LRP1B: variants seen among roughly 807,000 people sequenced by gnomAD.
The protein encoded by LRP1B is LDL receptor related protein 1B.
LRP1B carries 217 observed loss-of-function variants against 556.6 expected under a neutral mutation model. The observed-to-expected ratio is 0.39, with a 90% CI of 0.35 to 0.44. LRP1B has a LOEUF of 0.44. LRP1B is among the 20% of genes least tolerant of loss of function. LRP1B has a pLI of 1.00. For missense variants in LRP1B, 5,053 were observed against 5,620.8 expected (o/e 0.90, Z 3.23); for synonymous variants, 2,047 against 1,865.8 (o/e 1.10, Z -2.50).
At chr2:142,113,211 G>A (rs984488413) in intron 1 of LRP1B, among the ~76,000 whole-genome samples, 1 of 152,010 alleles carries the variant, frequency 6.6e-6, no homozygotes, top group African/African-American at 2.4e-5. Flanking sequence ...CCAGTGTACA[G>A]CTTTTCTCAG....
intron 11 of LRP1B, among the ~76,000 whole-genome samples, chr2:141,039,410 A>G (rs1033607385): frequency 1.3e-5 from 2 of 152,076 alleles, no homozygotes; most frequent in African/African-American, 4.8e-5. Flanking sequence ...AAGAAAAAAC[A>G]TGGTGTATAT....
Position 140,967,352 on chromosome 2 carries a change from G to C in LRP1B, c.2887+14808C>G, listed in dbSNP as rs569585311. On this transcript the variant is annotated intron_variant, in intron 18 of 90. Coordinates refer to ENST00000389484, the MANE Select transcript of LRP1B (RefSeq NM_018557.3). Reference sequence around the variant, plus strand: ...CGATTTGGCTCTCTGTCTGTTATTGGTGTATAAGAATGCTTGTGATTTTTG... The same window carrying C: ...CGATTTGGCTCTCTGTCTGTTATTGCTGTATAAGAATGCTTGTGATTTTTG... Among the ~76,000 whole-genome samples the C allele has an allele frequency of 8.1e-3, 1,195 of 147,132 alleles. 19 individuals carry two copies. Among genetic ancestry groups the C allele is most frequent in the Non-Finnish European group, 0.011 (738 of 66,522 alleles).
chr2:141,204,195 A>G (rs1391338100), intron 6 of LRP1B, among the ~76,000 whole-genome samples: 4 of 152,210 alleles, frequency 2.6e-5, no homozygotes, highest in Admixed American at 1.3e-4. Context: ...TGGTCATAAA[A>G]TGGCACAAGT....
intron 1 of LRP1B, among the ~76,000 whole-genome samples, chr2:141,883,720 C>T (rs1699026347): frequency 6.6e-6 from 1 of 151,790 alleles, no homozygotes; most frequent in African/African-American, 2.4e-5. Flanking sequence ...TGAGACCCAT[C>T]TCAAAAAAAC....
At chr2:140,605,081 T>A (rs1682819968) in intron 41 of LRP1B, among the ~76,000 whole-genome samples, 1 of 152,106 alleles carries the variant, frequency 6.6e-6, no homozygotes, top group African/African-American at 2.4e-5. Context: ...AAAATAACAT[T>A]TATCTCAAGG....
At chr2:140,469,306 G>A (rs951635385) in intron 60 of LRP1B, among the ~76,000 whole-genome samples, 15 of 152,126 alleles carry the variant, frequency 9.9e-5, no homozygotes, top group African/African-American at 3.4e-4. Flanking sequence ...CTTCTGCTGT[G>A]AAAGGACACA....
intron 2 of LRP1B, among the ~76,000 whole-genome samples, chr2:141,530,481 C>T (rs981607032): frequency 6.6e-6 from 1 of 151,838 alleles, no homozygotes; most frequent in Non-Finnish European, 1.5e-5. Context: ...TTTATTATAC[C>T]AATAAATGGT....
At position 141,738,053 on chromosome 2, in the gene LRP1B, G is replaced by GA. The variant is rs759368053; in HGVS notation, c.205+72225dup. 3.5e-3 allele frequency among the ~76,000 whole-genome samples: 503 copies of GA among 145,614 alleles called. 5 individuals carry two copies. The highest frequency in any genetic ancestry group is 0.027 in the South Asian group (123 of 4,636). On this transcript the variant is annotated intron_variant, in intron 2 of 90. Transcript: ENST00000389484. ...TTGCTGAGCCACATGCAATCTCCAG[G>GA]AAAAAAAAAAATTGTGCTGTGCACA...
At chr2:140,621,216 C>T (rs1236459419) in intron 41 of LRP1B, among the ~76,000 whole-genome samples, 4 of 150,564 alleles carry the variant, frequency 2.7e-5, no homozygotes, top group African/African-American at 9.8e-5. Context: ...CCCATCTCTA[C>T]TAAAAATACA....
At chr2:141,688,446 G>T (rs1045941210) in intron 2 of LRP1B, among the ~76,000 whole-genome samples, 8 of 151,714 alleles carry the variant, frequency 5.3e-5, no homozygotes, top group African/African-American at 1.7e-4. Flanking sequence ...AAAACCTGAG[G>T]TATAGATGTT....
intron 3 of LRP1B, among the ~76,000 whole-genome samples, chr2:141,377,559 T>C (rs981489021): frequency 5.9e-5 from 9 of 152,232 alleles, no homozygotes; most frequent in Middle Eastern, 3.4e-3. Context: ...TAGAGACATC[T>C]TCTTAACTAG....
intron 67 of LRP1B, among the ~76,000 whole-genome samples, chr2:140,384,900 T>A (rs1683689610): frequency 1.3e-5 from 2 of 152,190 alleles, no homozygotes; most frequent in Non-Finnish European, 2.9e-5. Context: ...TTATCTTATT[T>A]TAAACATGCT....
At chr2:140,508,303 A>G (rs943380850) in intron 52 of LRP1B, among the ~76,000 whole-genome samples, 2 of 152,118 alleles carry the variant, frequency 1.3e-5, no homozygotes, top group African/African-American at 2.4e-5. Flanking sequence ...GATATTTTAC[A>G]TAATATTTCT....
At chr2:141,690,518 G>C (rs1691487688) in intron 2 of LRP1B, among the ~76,000 whole-genome samples, 1 of 145,944 alleles carries the variant, frequency 6.9e-6, no homozygotes, top group Non-Finnish European at 1.5e-5. Flanking sequence ...TTTACAACCT[G>C]GTTCATATAG....
At chr2:141,462,827 T>C (rs962092590) in intron 3 of LRP1B, among the ~76,000 whole-genome samples, 2 of 152,168 alleles carry the variant, frequency 1.3e-5, no homozygotes, top group African/African-American at 2.4e-5. Flanking sequence ...AATATTTTAA[T>C]TGAAAAATAA....
intron 27 of LRP1B, among the ~76,000 whole-genome samples, chr2:140,854,038 C>A: frequency 8.1e-6 from 1 of 124,214 alleles, no homozygotes. Flanking sequence ...AAAGAGAAAA[C>A]TCAAATTCCC....
intron 41 of LRP1B, among the ~76,000 whole-genome samples, chr2:140,605,596 CTCTT>C (rs1030897305): frequency 2.8e-4 from 40 of 145,076 alleles, no homozygotes; most frequent in Admixed American, 2.1e-3. Flanking sequence ...CTTTTTATTT[CTCTT>C]TCTTTCTCTC....
intron 2 of LRP1B, among the ~76,000 whole-genome samples, chr2:141,486,113 C>A (rs1481544768): frequency 7.2e-5 from 11 of 152,094 alleles, no homozygotes; most frequent in African/African-American, 2.2e-4. Context: ...ATTTCCAGTC[C>A]TTTAAATCTA....
intron 63 of LRP1B, 82 bp downstream of exon 63, chr2:140,450,486 C>G: frequency 9.7e-7 from 1 of 1,027,988 alleles, no homozygotes; most frequent in Non-Finnish European, 1.5e-6. Flanking sequence ...GAAGGCAATA[C>G]TTTAGGTGTA....
Sources: gnomAD v4.1 joint callset for allele counts (sites outside exome capture counted in the v4.1 genomes callset) on GRCh38, gnomAD v4.1.1 for gene constraint, MANE v1.5 for transcripts, NCBI Gene and HGNC (gene_info 2026-07-23, HGNC 2026-07-21) for gene names.